MACF1: variants seen among roughly 807,000 people sequenced by gnomAD.
The protein encoded by MACF1 is microtubule actin crosslinking factor 1.
A neutral mutation model predicts 854.8 loss-of-function variants in MACF1; 193 were observed. The observed-to-expected ratio is 0.23, with a 90% confidence interval of 0.20 to 0.25. The LOEUF (loss-of-function observed/expected upper bound fraction) is 0.25. MACF1 is among the 10% of genes least tolerant of loss of function. The pLI is 1.00. For missense variants in MACF1, 7,722 were observed against 8,929.1 expected (o/e 0.86, Z 5.45); for synonymous variants, 3,185 against 3,226.7 (o/e 0.99, Z 0.44).
chr1:39,181,152 C>G (rs933480240), intron 2 of MACF1, among the ~76,000 whole-genome samples: 2 of 152,240 alleles, frequency 1.3e-5, no homozygotes, highest in African/African-American at 4.8e-5. Context: ...AAGCGGTACA[C>G]CCGCCTTGGC....
intron 2 of MACF1, among the ~76,000 whole-genome samples, chr1:39,233,557 T>C (rs1427161820): frequency 6.6e-6 from 1 of 152,120 alleles, no homozygotes; most frequent in East Asian, 1.9e-4. Flanking sequence ...ATTGTCCATC[T>C]ATAGTTCAGT....
At chr1:39,241,383 G>C (rs1644920914) in intron 2 of MACF1, among the ~76,000 whole-genome samples, 1 of 152,116 alleles carries the variant, frequency 6.6e-6, no homozygotes, top group Non-Finnish European at 1.5e-5. Context: ...TACGAGGCCA[G>C]GCATGGTGGC....
intron 6 of MACF1, among the ~76,000 whole-genome samples, chr1:39,264,867 G>T (rs1398401417): frequency 6.6e-6 from 1 of 151,400 alleles, no homozygotes; most frequent in African/African-American, 2.4e-5. Context: ...GTAGAGACGG[G>T]GTTTCACCTT....
At chr1:39,173,352 A>G (rs1643979287) in intron 2 of MACF1, among the ~76,000 whole-genome samples, 3 of 1,446 alleles carry the variant, frequency 2.1e-3, no homozygotes, top group African/African-American at 3.4e-3. Context: ...AAAAAAAAAA[A>G]AAGAAAGAAA....
intron 78 of MACF1, 50 bp from the exon 79 acceptor site, chr1:39,443,395 TA>T (rs1570101743): frequency 6.4e-7 from 1 of 1,552,258 alleles, no homozygotes; most frequent in Middle Eastern, 1.7e-4. Flanking sequence ...AGTTGACTTT[TA>T]AAGCTGAGAA....
chr1:39,284,422 A>T lies in MACF1; in HGVS notation c.1125A>T (p.Leu375Phe), dbSNP rs760396406. The change falls in exon 11 of 101, where the codon TTA becomes TTT. Residue 375 changes from leucine to phenylalanine, a missense_variant. Leu to Phe is a conservative substitution (Grantham distance 22). Transcript: ENST00000564288. ...EKGRIEELYK[L>F]LEVWIEFGRI... ...GAAGAATTGAGGAATTATATAAATT[A>T]CTAGAGGTAAGTGAGCTTATCCTTT... is the stretch of plus-strand genomic sequence containing the variant. The T allele has an allele frequency of 6.3e-7, 1 of 1,586,648 alleles. No homozygotes were observed. The highest frequency in any genetic ancestry group is 1.1e-5 in the South Asian group (1 of 87,284).
At chr1:39,307,333 A>G (rs1453824821) in intron 23 of MACF1, among the ~76,000 whole-genome samples, 1 of 150,188 alleles carries the variant, frequency 6.7e-6, no homozygotes, top group African/African-American at 2.5e-5. Context: ...AAGCAGTACT[A>G]TTGGTTTTGA....
chr1:39,411,763 G>T, intron 58 of MACF1: 1 of 1,613,810 alleles, frequency 6.2e-7, no homozygotes, highest in Non-Finnish European at 8.5e-7. Context: ...TGCATCCCAG[G>T]ATGCAGAAAA....
chr1:39,344,478 A>G (rs1184237599), intron 40 of MACF1, among the ~76,000 whole-genome samples: 2 of 151,802 alleles, frequency 1.3e-5, no homozygotes, highest in Non-Finnish European at 2.9e-5. Flanking sequence ...GAAGTAAAGT[A>G]CACTTGGAAG....
At chr1:39,382,692 A>G (rs536101803) in intron 56 of MACF1, among the ~76,000 whole-genome samples, 1 of 151,366 alleles carries the variant, frequency 6.6e-6, no homozygotes, top group East Asian at 1.9e-4. Context: ...AAAAAAAAAA[A>G]AAATTTTTTT....
intron 2 of MACF1, among the ~76,000 whole-genome samples, chr1:39,164,624 G>T (rs1415497657): frequency 6.6e-6 from 1 of 152,178 alleles, no homozygotes; most frequent in Non-Finnish European, 1.5e-5. Flanking sequence ...TTCTCTTGTA[G>T]TGGTAAGGGA....
At chr1:39,193,780 A>AAG (rs531688995) in intron 2 of MACF1, among the ~76,000 whole-genome samples, 2 of 151,674 alleles carry the variant, frequency 1.3e-5, no homozygotes, top group Non-Finnish European at 2.9e-5. Context: ...CAGCCCTGGT[A>AAG]AGAGAGAGAG....
chr1:39,186,200 CTCTCTCTCTCTCTCTGTG>C (rs1350398366), intron 2 of MACF1, among the ~76,000 whole-genome samples: 2 of 127,374 alleles, frequency 1.6e-5, no homozygotes, highest in Admixed American at 7.8e-5. Context: ...CTCTCTCTCT[CTCTCTCTCTCTCTCTGTG>C]TGTGTGTGTG....
intron 99 of MACF1, among the ~76,000 whole-genome samples, chr1:39,484,022 G>A (rs1160510355): frequency 6.6e-6 from 1 of 152,146 alleles, no homozygotes; most frequent in African/African-American, 2.4e-5. Context: ...ACGTGGTGGC[G>A]GGTGCCTGTA....
At chr1:39,238,416 G>T (rs1644883580) in intron 2 of MACF1, among the ~76,000 whole-genome samples, 1 of 152,178 alleles carries the variant, frequency 6.6e-6, no homozygotes. Flanking sequence ...CCCTTCCTGA[G>T]CTCCCCAGAG....
intron 49 of MACF1, among the ~76,000 whole-genome samples, chr1:39,367,526 A>C (rs764141759): frequency 3.9e-5 from 6 of 152,128 alleles, no homozygotes; most frequent in Non-Finnish European, 7.3e-5. Context: ...GTTAAATAAT[A>C]GTGGAGATAG....
chr1:39,367,863 G>A (rs61779277), intron 49 of MACF1, among the ~76,000 whole-genome samples: 24,282 of 151,652 alleles, frequency 0.16, 2,430 homozygotes, highest in Middle Eastern at 0.22. Flanking sequence ...CCAGCTGCTC[G>A]AGATGCTGAG....
Position 39,462,044 on chromosome 1 carries a change from GAAAT to G in MACF1, c.21678+10_21678+13del, listed in dbSNP as rs1166989388. ...AGATAAAATCGAAGATGAGGTAAGGGAAATAATTATATTTTGAGTACACTTCTGG... is the reference window on the plus strand; with the variant it reads ...AGATAAAATCGAAGATGAGGTAAGGGAATTATATTTTGAGTACACTTCTGG... On this transcript the variant is annotated splice_region_variant and intron_variant, in intron 93 of 100. Coordinates refer to ENST00000564288, the MANE Select transcript of MACF1 (RefSeq NM_001394062.1). 4 of 1,613,332 alleles carry G rather than the reference GAAAT, an allele frequency of 2.5e-6. No individual in the cohort carries two copies. In the Admixed American group the frequency reaches 6.7e-5, roughly 27 times the overall value.
chr1:39,296,029 A>G (rs577345661), intron 20 of MACF1, 147 bp downstream of exon 20: 1 of 646,704 alleles, frequency 1.5e-6, no homozygotes, highest in African/African-American at 1.9e-5. Flanking sequence ...TAGATAGCTC[A>G]TGATTCAGTA....
Sources: allele counts gnomAD v4.1 joint callset (sites outside exome capture counted in the v4.1 genomes callset), GRCh38; gene constraint gnomAD v4.1.1; transcripts MANE v1.5; gene names NCBI Gene and HGNC (gene_info 2026-07-23, HGNC 2026-07-21).